The following JAK1 variants were observed in gnomAD, a reference collection of about 807,000 sequenced individuals.
JAK1 encodes the protein Janus kinase 1, also known as tyrosine-protein kinase JAK1.
JAK1 carries 16 observed loss-of-function variants against 136.6 expected under a neutral mutation model. That is an observed-to-expected ratio of 0.12 (90% CI 0.08 to 0.18). The LOEUF (loss-of-function observed/expected upper bound fraction) is 0.18, where lower values mean the gene tolerates loss of function less well. Among genes scored for constraint, JAK1 ranks in the 10% least tolerant of loss-of-function variants. The probability of loss-of-function intolerance (pLI) is 1.00; values close to 1 mark genes in which losing one functional copy is unlikely to be tolerated. For synonymous variants in JAK1, 492 were observed against 519.5 expected (o/e 0.95, Z 0.72); for missense variants, 859 against 1,450.1 (o/e 0.59, Z 6.62).
chr1:64,903,267 T>C (rs1314352471), intron 1 of JAK1, among the ~76,000 whole-genome samples: 2 of 152,172 alleles, frequency 1.3e-5, no homozygotes, highest in Non-Finnish European at 2.9e-5. Context: ...CCTCAGGTGA[T>C]CCACCGGCCT....
At chr1:65,052,196 A>G (rs1479632330) in intron 1 of JAK1, among the ~76,000 whole-genome samples, 1 of 144,326 alleles carries the variant, frequency 6.9e-6, no homozygotes, top group Non-Finnish European at 1.5e-5. Flanking sequence ...TTGGTCTCCC[A>G]GAGTACTGGG....
At chr1:64,981,852 TC>T (rs1259039953) in intron 2 of JAK1, among the ~76,000 whole-genome samples, 2 of 152,194 alleles carry the variant, frequency 1.3e-5, no homozygotes, top group Non-Finnish European at 2.9e-5. Flanking sequence ...TGTCTCACAC[TC>T]CAGGATAATA....
chr1:64,848,360 T>C (rs958205636), intron 12 of JAK1, among the ~76,000 whole-genome samples: 1 of 152,186 alleles, frequency 6.6e-6, no homozygotes, highest in Admixed American at 6.5e-5. Context: ...TTCCCATCCA[T>C]TTATCCAGTG....
chr1:64,856,753 T>C (rs916776083), intron 10 of JAK1, among the ~76,000 whole-genome samples: 1 of 152,194 alleles, frequency 6.6e-6, no homozygotes, highest in Admixed American at 6.5e-5. Context: ...GGTGGTGGTG[T>C]TCCTGCATTG....
At chr1:65,018,019 G>A (rs577567377) in intron 2 of JAK1, among the ~76,000 whole-genome samples, 5 of 151,568 alleles carry the variant, frequency 3.3e-5, no homozygotes, top group Admixed American at 6.6e-5. Flanking sequence ...CATGTTGGCC[G>A]GCGCTGGTCT....
intron 19 of JAK1, 54 bp from the exon 20 acceptor site, chr1:64,839,849 G>A (rs964037970): frequency 4.2e-6 from 6 of 1,439,212 alleles, no homozygotes; most frequent in Non-Finnish European, 5.6e-6. Context: ...GTAGGCCACG[G>A]AACACACAGA....
At chr1:64,855,403 G>T in intron 11 of JAK1, 106 bp downstream of exon 11, 1 of 1,011,444 alleles carries the variant, frequency 9.9e-7, no homozygotes, top group Non-Finnish European at 1.4e-6. Context: ...CCTAGAAACT[G>T]TGGGGAGGGT....
intron 2 of JAK1, chr1:65,003,487 ATCAT>A (rs1646779548): frequency 6.6e-6 from 1 of 152,198 alleles, no homozygotes; most frequent in Non-Finnish European, 1.5e-5. Flanking sequence ...CTCTCCAAGA[ATCAT>A]AGTGTTTATT....
chr1:64,923,411 C>T (rs17397653), intron 1 of JAK1, among the ~76,000 whole-genome samples: 8,807 of 152,224 alleles, frequency 0.058, 395 homozygotes, highest in Non-Finnish European at 0.082. Flanking sequence ...ATTGTGCATG[C>T]TTGAAAATAC....
intron 1 of JAK1, among the ~76,000 whole-genome samples, chr1:64,933,442 G>C (rs1645733207): frequency 6.6e-6 from 1 of 152,196 alleles, no homozygotes; most frequent in African/African-American, 2.4e-5. Flanking sequence ...GTTTCCAAGG[G>C]AAGTGACAAA....
intron 2 of JAK1, among the ~76,000 whole-genome samples, chr1:65,022,654 C>T (rs1036535655): frequency 1.3e-5 from 2 of 152,140 alleles, no homozygotes; most frequent in Non-Finnish European, 2.9e-5. Flanking sequence ...AGGTAATCAC[C>T]ATTTTATTAC....
chr1:64,867,299 T>A (rs1656766732), intron 6 of JAK1, 91 bp from the exon 7 acceptor site: 1 of 917,750 alleles, frequency 1.1e-6, no homozygotes, highest in East Asian at 2.5e-5. Flanking sequence ...AATCCACATG[T>A]TGCCAAATGG....
chr1:64,947,810 T>G (rs1646014703), intron 1 of JAK1, among the ~76,000 whole-genome samples: 1 of 151,766 alleles, frequency 6.6e-6, no homozygotes, highest in African/African-American at 2.4e-5. Context: ...AATTTCAAAT[T>G]TAACATAACA....
At chr1:64,934,837 A>G (rs1429603783) in intron 1 of JAK1, among the ~76,000 whole-genome samples, 1 of 152,220 alleles carries the variant, frequency 6.6e-6, no homozygotes. Context: ...GGCTATGATT[A>G]TATTTTACTC....
intron 1 of JAK1, among the ~76,000 whole-genome samples, chr1:64,913,761 A>G (rs1328650666): frequency 6.6e-6 from 1 of 150,580 alleles, no homozygotes; most frequent in Non-Finnish European, 1.5e-5. Flanking sequence ...GTGTGGGAGC[A>G]AAAATAATCT....
At chr1:65,003,821 CAAAA>C (rs1199320880) in intron 2 of JAK1, 2 of 152,078 alleles carry the variant, frequency 1.3e-5, no homozygotes, top group Non-Finnish European at 2.9e-5. Context: ...ACATACAAAA[CAAAA>C]AAGAAAACAG....
chr1:65,000,874 T>A (rs1226038325), intron 2 of JAK1, among the ~76,000 whole-genome samples: 1 of 150,352 alleles, frequency 6.7e-6, no homozygotes, highest in Non-Finnish European at 1.5e-5. Context: ...GGGGGGGCGG[T>A]TGGATTTTTG....
intron 2 of JAK1, among the ~76,000 whole-genome samples, chr1:65,010,135 C>G (rs1311600226): frequency 6.6e-6 from 1 of 152,146 alleles, no homozygotes; most frequent in Non-Finnish European, 1.5e-5. Flanking sequence ...TTGGCACTCC[C>G]TTTAAGAGGA....
At chr1:64,957,736 A>T (rs997640605) in intron 1 of JAK1, among the ~76,000 whole-genome samples, 4 of 150,828 alleles carry the variant, frequency 2.7e-5, no homozygotes, top group African/African-American at 9.8e-5. Flanking sequence ...CGAGGTCAGG[A>T]GATCGAGACC....
Sources: gnomAD v4.1 joint callset for allele counts (sites outside exome capture counted in the v4.1 genomes callset) on GRCh38, gnomAD v4.1.1 for gene constraint, MANE v1.5 for transcripts, NCBI Gene and HGNC (gene_info 2026-07-23, HGNC 2026-07-21) for gene names.